The following SNTG1 variants were observed in gnomAD, a reference collection of about 807,000 sequenced individuals.
SNTG1 encodes syntrophin gamma 1, also known as gamma-1-syntrophin.
SNTG1 carries 39 observed loss-of-function variants against 74.7 expected under a neutral mutation model. That is an observed-to-expected ratio of 0.52 (90% CI 0.40 to 0.68). SNTG1 has a LOEUF of 0.68. SNTG1 is among the 30% of genes least tolerant of loss of function. SNTG1 has a pLI of 0.00. For missense variants in SNTG1, 685 were observed against 609.5 expected, an observed-to-expected ratio of 1.12 and a Z score of -1.30; for synonymous variants, 254 against 217.1, an observed-to-expected ratio of 1.17 and a Z score of -1.49.
chr8:50,770,139 A>C (rs1437635263), intron 18 of SNTG1, among the ~76,000 whole-genome samples: 1 of 152,160 alleles, frequency 6.6e-6, no homozygotes, highest in Non-Finnish European at 1.5e-5. Flanking sequence ...ATACTTATGG[A>C]CCATAAACAT....
At position 50,125,638 on chromosome 8, in the gene SNTG1, G is replaced by A. The variant is rs545622464; in HGVS notation, c.-102-46923G>A. 3.5e-5 allele frequency among the ~76,000 whole-genome samples: 5 copies of A among 141,502 alleles called. 1 individual carries two copies. The highest frequency in any genetic ancestry group is 7.3e-5 in the Admixed American group (1 of 13,714). The allele number at this position is 141,502 out of a possible 152,430, so 92.8% of individuals were successfully genotyped here. A position where few individuals can be genotyped will look rare whatever the true frequency, so the allele number is the denominator to read the frequency against. On this transcript the variant is annotated intron_variant, in intron 1 of 18. Transcript: ENST00000642720. ...TGAATTCACACTATGTCCTAAGAAC[G>A]GTGCGAGCTCTGTGGATAGAAGGAA... is the stretch of plus-strand genomic sequence containing the variant.
intron 1 of SNTG1, among the ~76,000 whole-genome samples, chr8:50,131,370 C>T (rs1416217502): frequency 6.6e-6 from 1 of 152,060 alleles, no homozygotes. Context: ...AGGTGTACAA[C>T]ATTAAGTTTT....
intron 2 of SNTG1, chr8:50,381,904 A>G (rs1246894546): frequency 6.7e-6 from 1 of 149,136 alleles, no homozygotes; most frequent in Non-Finnish European, 1.5e-5. Flanking sequence ...GTCCCACAAT[A>G]GGCTGTCTGC....
chr8:50,575,065 T>C (rs1443104267), intron 12 of SNTG1, among the ~76,000 whole-genome samples: 1 of 152,152 alleles, frequency 6.6e-6, no homozygotes, highest in Non-Finnish European at 1.5e-5. Flanking sequence ...TGTTTGGTCA[T>C]GTTTGTTTGG....
At chr8:50,585,148 G>A (rs1424868612) in intron 12 of SNTG1, among the ~76,000 whole-genome samples, 5 of 152,152 alleles carry the variant, frequency 3.3e-5, no homozygotes, top group African/African-American at 1.2e-4. Flanking sequence ...AAATCAAGCA[G>A]AGATGAATAT....
chr8:50,505,449 A>C (rs1284442296), intron 9 of SNTG1, among the ~76,000 whole-genome samples: 1 of 152,110 alleles, frequency 6.6e-6, no homozygotes, highest in African/African-American at 2.4e-5. Context: ...TACACTCTTA[A>C]GTAACAGGCA....
chr8:50,576,713 C>A (rs1252887977), intron 12 of SNTG1, among the ~76,000 whole-genome samples: 3 of 151,856 alleles, frequency 2.0e-5, no homozygotes, highest in Non-Finnish European at 4.4e-5. Flanking sequence ...CTCTTTGATA[C>A]TTTTGATACT....
intron 3 of SNTG1, among the ~76,000 whole-genome samples, chr8:50,397,330 C>T (rs776358466): frequency 5.9e-5 from 9 of 151,938 alleles, no homozygotes; most frequent in Non-Finnish European, 1.2e-4. Flanking sequence ...AATTTGAGAC[C>T]AATAATTATG....
At chr8:50,269,690 G>A (rs1043289893) in intron 2 of SNTG1, among the ~76,000 whole-genome samples, 5 of 151,960 alleles carry the variant, frequency 3.3e-5, no homozygotes, top group Admixed American at 6.6e-5. Context: ...TACTGACCAC[G>A]TACAACAGCT....
chr8:50,085,189 A>T (rs1437737599), intron 1 of SNTG1, among the ~76,000 whole-genome samples: 2 of 152,192 alleles, frequency 1.3e-5, no homozygotes, highest in African/African-American at 4.8e-5. Context: ...TTTAAATTCT[A>T]GGATATTAAG....
intron 17 of SNTG1, among the ~76,000 whole-genome samples, chr8:50,716,733 C>CTTT (rs5891386): frequency 6.8e-6 from 1 of 147,874 alleles, no homozygotes; most frequent in Non-Finnish European, 1.5e-5. Context: ...CTTTCTTATT[C>CTTT]TTTTTTTTTT....
At chr8:50,131,373 T>C (rs1404089792) in intron 1 of SNTG1, among the ~76,000 whole-genome samples, 1 of 152,166 alleles carries the variant, frequency 6.6e-6, no homozygotes, top group Non-Finnish European at 1.5e-5. Context: ...TGTACAACAT[T>C]AAGTTTTGTT....
chr8:50,696,088 T>A (rs1189546679), intron 15 of SNTG1, among the ~76,000 whole-genome samples: 1 of 152,036 alleles, frequency 6.6e-6, no homozygotes, highest in African/African-American at 2.4e-5. Context: ...CCACCAACAG[T>A]GTATAAGCAT....
intron 5 of SNTG1, among the ~76,000 whole-genome samples, chr8:50,446,260 G>A (rs577266537): frequency 2.0e-5 from 3 of 152,104 alleles, no homozygotes; most frequent in African/African-American, 4.8e-5. Flanking sequence ...TGAAGGCAGC[G>A]TGATTTTGAG....
intron 18 of SNTG1, among the ~76,000 whole-genome samples, chr8:50,768,233 A>C (rs926738191): frequency 2.6e-5 from 4 of 151,788 alleles, no homozygotes; most frequent in Non-Finnish European, 5.9e-5. Flanking sequence ...TTGAGGATTG[A>C]CTCCCATTAA....
At chr8:49,992,645 T>C (rs1371620858) in intron 1 of SNTG1, among the ~76,000 whole-genome samples, 4 of 152,172 alleles carry the variant, frequency 2.6e-5, no homozygotes, top group African/African-American at 9.7e-5. Context: ...TAAATTGCCT[T>C]TCATGATAGT....
intron 2 of SNTG1, among the ~76,000 whole-genome samples, chr8:50,272,831 G>A (rs1423126062): frequency 6.6e-6 from 1 of 151,604 alleles, no homozygotes; most frequent in Non-Finnish European, 1.5e-5. Flanking sequence ...CAAACTCCTG[G>A]GATTAAGCAA....
intron 2 of SNTG1, among the ~76,000 whole-genome samples, chr8:50,389,504 T>C (rs987992361): frequency 7.2e-5 from 11 of 152,344 alleles, no homozygotes; most frequent in African/African-American, 2.6e-4. Context: ...TTGGCTTGGT[T>C]CGAAGTCTTT....
At chr8:49,958,249 A>G (rs964037352) in intron 1 of SNTG1, among the ~76,000 whole-genome samples, 2 of 152,148 alleles carry the variant, frequency 1.3e-5, no homozygotes, top group African/African-American at 4.8e-5. Flanking sequence ...GCTGAACACA[A>G]GGCACACATC....
Sources: gnomAD v4.1 joint callset for allele counts (sites outside exome capture counted in the v4.1 genomes callset) on GRCh38, gnomAD v4.1.1 for gene constraint, MANE v1.5 for transcripts, NCBI Gene and HGNC (gene_info 2026-07-23, HGNC 2026-07-21) for gene names.